Variants in CARMIL1 observed in about 807,000 individuals in gnomAD.
CARMIL1 encodes F-actin-uncapping protein LRRC16A.
CARMIL1 carries 90 observed loss-of-function variants against 177.1 expected under a neutral mutation model. The ratio of observed to expected loss-of-function variants is 0.51; its 90% CI spans 0.43 to 0.61. The LOEUF (loss-of-function observed/expected upper bound fraction) is 0.61. CARMIL1 is among the 20% of genes least tolerant of loss of function. The probability of loss-of-function intolerance (pLI) is 0.00; values close to 1 mark genes in which losing one functional copy is unlikely to be tolerated. For missense variants in CARMIL1, 1,380 were observed against 1,667.0 expected (o/e 0.83, Z 3.00); for synonymous variants, 577 against 606.2 (o/e 0.95, Z 0.71).
intron 22 of CARMIL1, 67 bp downstream of exon 22, chr6:25,517,482 CTGTTG>C: frequency 2.4e-6 from 3 of 1,239,452 alleles, no homozygotes; most frequent in South Asian, 1.3e-5. Context: ...TATATGTTAC[CTGTTG>C]GGTAATAGAA....
chr6:25,295,991 T>C (rs929685950), intron 2 of CARMIL1, among the ~76,000 whole-genome samples: 1 of 152,244 alleles, frequency 6.6e-6, no homozygotes, highest in Non-Finnish European at 1.5e-5. Flanking sequence ...CACATGGCAC[T>C]TTCATTAGAT....
rs750123205 is a variant in CARMIL1 at position 25,452,302 on chromosome 6, A to G, written c.614+1591A>G. On this transcript the variant is annotated intron_variant, in intron 8 of 36. Coordinates refer to ENST00000329474, the MANE Select transcript of CARMIL1 (RefSeq NM_017640.6). Reference sequence around the variant, plus strand: ...AACTTTATACTTTCAAATTTAGACAAGATGTTTCCTGTGTAGCTCATAAAA... The same window carrying G: ...AACTTTATACTTTCAAATTTAGACAGGATGTTTCCTGTGTAGCTCATAAAA... 6.7e-6 allele frequency: 5 copies of G among 748,704 alleles called. No homozygotes were observed. The East Asian group carries it at 1.2e-4, about 18-fold the overall frequency. 46.4% of individuals were successfully genotyped at this position (748,704 alleles called of 1,614,324 possible).
In CARMIL1 at chr6:25,420,126, T is replaced by C. The variant is rs537670805; in HGVS notation, c.151T>C (p.Cys51Arg). ...TTCTGTCTTACAGGTCCTTACATCATGCCGAGCCTTCCTTGTAACAGCGCG... is the reference window on the plus strand; with the variant it reads ...TTCTGTCTTACAGGTCCTTACATCACGCCGAGCCTTCCTTGTAACAGCGCG... ...VENKVLVLTS[C>R]RAFLVTARIP... The change falls in exon 3 of 37, where the codon TGC (cysteine) becomes CGC (arginine). Residue 51 changes from cysteine to arginine, a missense_variant. Coordinates refer to ENST00000329474, the MANE Select transcript of CARMIL1 (RefSeq NM_017640.6). 6.2e-7 allele frequency: 1 copy of C among 1,613,544 alleles called. No homozygotes were observed. Among genetic ancestry groups the C allele is most frequent in the Non-Finnish European group, 8.5e-7 (1 of 1,179,506 alleles).
rs368440161 is a variant in CARMIL1, at chr6:25,281,098, A to T, written c.40+1263A>T. On this transcript the variant is annotated intron_variant, in intron 1 of 36. Coordinates refer to ENST00000329474, the MANE Select transcript of CARMIL1 (RefSeq NM_017640.6). ...CTGATCTTTTACCAGAATTTACAGT[A>T]TGAAATTATTCACAGACGCACGCGC... 6.6e-5 allele frequency among the ~76,000 whole-genome samples: 10 copies of T among 150,920 alleles called. No homozygotes were observed. In the South Asian group the frequency reaches 1.1e-3, roughly 16 times the overall value.
rs1484219996 is a variant in CARMIL1, at chr6:25,552,720, A to G, written c.2505-1289A>G. Among the ~76,000 whole-genome samples the G allele has an allele frequency of 2.0e-5, 3 of 152,272 alleles. No homozygotes were observed. The South Asian group carries it at 6.2e-4, about 32-fold the overall frequency. ...GACTCTATCTTTTTTTGGTGCTACAATTTGAAATAGATGAACCACTCCTCC... is the reference window on the plus strand; with the variant it reads ...GACTCTATCTTTTTTTGGTGCTACAGTTTGAAATAGATGAACCACTCCTCC... On this transcript the variant is annotated intron_variant, in intron 27 of 36. Transcript: ENST00000329474.
chr6:25,593,457 T>C (rs888937874), intron 31 of CARMIL1, among the ~76,000 whole-genome samples: 3 of 152,220 alleles, frequency 2.0e-5, no homozygotes, highest in Non-Finnish European at 4.4e-5. Context: ...CTGTTCCTTA[T>C]GGGTTATTGT....
intron 1 of CARMIL1, among the ~76,000 whole-genome samples, chr6:25,281,699 C>G (rs1781128858): frequency 6.6e-6 from 1 of 152,136 alleles, no homozygotes; most frequent in Non-Finnish European, 1.5e-5. Flanking sequence ...TAAATACCTG[C>G]ACCTGCTTTC....
chr6:25,418,429 A>G lies in CARMIL1; in HGVS notation c.139-1685A>G, dbSNP rs573660431. Among the ~76,000 whole-genome samples the G allele has an allele frequency of 4.5e-4, 68 of 152,188 alleles. 1 individual carries two copies. Among genetic ancestry groups the G allele is most frequent in the African/African-American group, 9.6e-4 (40 of 41,524 alleles). On this transcript the variant is annotated intron_variant, in intron 2 of 36. Coordinates refer to ENST00000329474, the MANE Select transcript of CARMIL1 (RefSeq NM_017640.6). ...TACAGATTATGTAGCCAGTCTTGCT[A>G]CTACCGAGCTGCACTTGACCTCCCC... is the stretch of plus-strand genomic sequence containing the variant.
intron 5 of CARMIL1, among the ~76,000 whole-genome samples, chr6:25,442,535 T>C (rs1168773925): frequency 2.0e-5 from 3 of 151,906 alleles, no homozygotes; most frequent in Non-Finnish European, 4.4e-5. Flanking sequence ...TGGGGCTCCT[T>C]GCTCTCATTT....
chr6:25,413,889 G>A (rs1795139901), intron 2 of CARMIL1, among the ~76,000 whole-genome samples: 1 of 152,126 alleles, frequency 6.6e-6, no homozygotes, highest in African/African-American at 2.4e-5. Flanking sequence ...TTGCAGCCTA[G>A]GAGAAGTTTC....
At chr6:25,502,322 G>A (rs545101648) in intron 17 of CARMIL1, among the ~76,000 whole-genome samples, 2 of 151,638 alleles carry the variant, frequency 1.3e-5, no homozygotes, top group East Asian at 3.9e-4. Flanking sequence ...ACTTTGGGAG[G>A]CCTAGGCGGG....
At position 25,567,343 on chromosome 6, in the gene CARMIL1, T is replaced by TG. The variant is rs34752812; in HGVS notation, c.2742+10498dup. On this transcript the variant is annotated intron_variant, in intron 29 of 36. Coordinates refer to ENST00000329474, the MANE Select transcript of CARMIL1 (RefSeq NM_017640.6). ...AGAGGTTTATTATTCTCAGTGGAAC[T>TG]GGGGGAGATACTAACCTATGGTAGC... is the stretch of plus-strand genomic sequence containing the variant. Among the ~76,000 whole-genome samples the TG allele has an allele frequency of 4.6e-3, 702 of 152,342 alleles. 5 individuals are homozygous for TG. The highest frequency in any genetic ancestry group is 0.016 in the African/African-American group (677 of 41,578).
chr6:25,299,751 G>A (rs1251859330), intron 2 of CARMIL1, among the ~76,000 whole-genome samples: 4 of 151,784 alleles, frequency 2.6e-5, no homozygotes, highest in African/African-American at 9.7e-5. Flanking sequence ...CGAGGCGAGC[G>A]GATCACCTGA....
intron 9 of CARMIL1, among the ~76,000 whole-genome samples, chr6:25,469,229 T>A (rs1800891038): frequency 6.6e-6 from 1 of 152,178 alleles, no homozygotes; most frequent in Admixed American, 6.5e-5. Context: ...CAAATAAGAA[T>A]TATGAGAGCC....
At chr6:25,555,125 A>G (rs1424519840) in intron 28 of CARMIL1, among the ~76,000 whole-genome samples, 2 of 152,176 alleles carry the variant, frequency 1.3e-5, no homozygotes, top group African/African-American at 4.8e-5. Context: ...AGTGCATATG[A>G]AAAAATATAG....
At chr6:25,471,305 C>A in intron 10 of CARMIL1, 48 bp downstream of exon 10, 1 of 1,329,658 alleles carries the variant, frequency 7.5e-7, no homozygotes, top group Non-Finnish European at 1.1e-6. Context: ...AAACTCTGTG[C>A]CATTTGCTCT....
intron 11 of CARMIL1, among the ~76,000 whole-genome samples, chr6:25,476,005 C>G (rs903387468): frequency 6.6e-6 from 1 of 152,246 alleles, no homozygotes; most frequent in Non-Finnish European, 1.5e-5. Flanking sequence ...CCCCTTCCTT[C>G]TTTCCTAAGA....
At chr6:25,280,317 C>G (rs1435908386) in intron 1 of CARMIL1, among the ~76,000 whole-genome samples, 1 of 152,122 alleles carries the variant, frequency 6.6e-6, no homozygotes. Context: ...TGAAAATGCC[C>G]CGCGGGAGGT....
intron 29 of CARMIL1, 121 bp from the exon 30 acceptor site, chr6:25,580,803 T>C: frequency 1.4e-6 from 1 of 712,368 alleles, no homozygotes; most frequent in Admixed American, 2.6e-5. Flanking sequence ...TTTTCAATCA[T>C]CTTCTAAAGC....
Sources: gnomAD v4.1 joint callset for allele counts (sites outside exome capture counted in the v4.1 genomes callset) on GRCh38, gnomAD v4.1.1 for gene constraint, MANE v1.5 for transcripts, NCBI Gene and HGNC (gene_info 2026-07-23, HGNC 2026-07-21) for gene names.